CREB5: variants seen among roughly 807,000 people sequenced by gnomAD.
CREB5 encodes cyclic AMP-responsive element-binding protein 5.
Under a neutral mutation model 57.1 loss-of-function variants are expected in CREB5, and 19 were observed. The ratio of observed to expected loss-of-function variants is 0.33; its 90% CI spans 0.23 to 0.49. The LOEUF (loss-of-function observed/expected upper bound fraction) is 0.49. Ranked by LOEUF, CREB5 falls within the 20% of genes least tolerant of loss-of-function variation. The pLI is 0.99. For synonymous variants in CREB5, 238 were observed against 238.3 expected, an observed-to-expected ratio of 1.00 and a Z score of 0.01; for missense variants, 579 against 671.6, an observed-to-expected ratio of 0.86 and a Z score of 1.52.
chr7:28,312,963 G>A (rs1785308847), intron 1 of CREB5, among the ~76,000 whole-genome samples: 1 of 152,160 alleles, frequency 6.6e-6, no homozygotes. Context: ...TGGCCATCCA[G>A]TTCAATCTCC....
In CREB5 at chr7:28,756,889, G is replaced by A. The variant is rs544526410; in HGVS notation, c.702+32557G>A. On this transcript the variant is annotated intron_variant, in intron 7 of 10. Coordinates refer to ENST00000357727, the MANE Select transcript of CREB5 (RefSeq NM_182898.4). ...GATCAACTGGCTATTTTTGCAGGGT[G>A]TTTAAATTGCTGGTTACAATTTGTT... Among the ~76,000 whole-genome samples the A allele has an allele frequency of 1.8e-4, 28 of 152,292 alleles. No individual in the cohort carries two copies. In the South Asian group the frequency reaches 3.3e-3, roughly 18 times the overall value.
chr7:28,704,421 A>G lies in CREB5; in HGVS notation c.465-14332A>G, dbSNP rs148142087. On this transcript the variant is annotated intron_variant, in intron 5 of 10. Coordinates refer to ENST00000357727, the MANE Select transcript of CREB5 (RefSeq NM_182898.4). ...TCTATATGTGTCCACCTTTGAGGAAAATCTACCTTTAACTGACGTGTTGCT... is the reference window on the plus strand; with the variant it reads ...TCTATATGTGTCCACCTTTGAGGAAGATCTACCTTTAACTGACGTGTTGCT... Among the ~76,000 whole-genome samples the G allele has an allele frequency of 7.6e-3, 1,159 of 152,260 alleles. 17 individuals are homozygous for G. The highest frequency in any genetic ancestry group is 0.027 in the African/African-American group (1,111 of 41,536).
intron 4 of CREB5, among the ~76,000 whole-genome samples, chr7:28,528,369 C>T (rs1039686013): frequency 1.3e-5 from 2 of 152,200 alleles, no homozygotes; most frequent in African/African-American, 4.8e-5. Flanking sequence ...TATTTCAATT[C>T]TCAATTATGT....
At chr7:28,528,335 T>C (rs1011265673) in intron 4 of CREB5, among the ~76,000 whole-genome samples, 10 of 152,248 alleles carry the variant, frequency 6.6e-5, no homozygotes, top group African/African-American at 2.4e-4. Flanking sequence ...TGTTTGAAGA[T>C]GCTGTGACAT....
intron 5 of CREB5, among the ~76,000 whole-genome samples, chr7:28,614,774 A>G (rs1797533120): frequency 6.6e-6 from 1 of 152,144 alleles, no homozygotes; most frequent in Non-Finnish European, 1.5e-5. Flanking sequence ...TCCCCATCCC[A>G]TGAACTCCAT....
At chr7:28,464,749 T>G (rs1325484352) in intron 1 of CREB5, among the ~76,000 whole-genome samples, 3 of 152,008 alleles carry the variant, frequency 2.0e-5, no homozygotes, top group Non-Finnish European at 4.4e-5. Context: ...TTGAAAATAC[T>G]ACCATGAGGG....
Position 28,821,427 on chromosome 7 carries a change from A to T in CREB5, c.*2148A>T, listed in dbSNP as rs1195059107. ...TTTTGAGTGTCCAGTGAAACTTATG[A>T]CTTGGATATATGGTTGAAGAATCAA... On this transcript the variant is annotated 3_prime_UTR_variant, in exon 11 of 11. Transcript: ENST00000357727. 1 of 151,582 alleles carries T rather than the reference A, an allele frequency of 6.6e-6. No individual in the cohort carries two copies. The highest frequency in any genetic ancestry group is 1.5e-5 in the Non-Finnish European group (1 of 67,892). The allele number at this position is 151,582 out of a possible 1,614,324, so 9.4% of individuals were successfully genotyped here.
At chr7:28,395,201 A>T (rs1258386054) in intron 1 of CREB5, among the ~76,000 whole-genome samples, 1 of 152,216 alleles carries the variant, frequency 6.6e-6, no homozygotes, top group Admixed American at 6.5e-5. Flanking sequence ...TCATACTCTC[A>T]GATTCCAAAA....
intron 5 of CREB5, among the ~76,000 whole-genome samples, chr7:28,715,138 A>G (rs1476975751): frequency 2.0e-5 from 3 of 152,256 alleles, no homozygotes; most frequent in Non-Finnish European, 4.4e-5. Flanking sequence ...ACTACTTTAT[A>G]GAAAGTCCAG....
At chr7:28,368,545 T>C (rs1786635859) in intron 1 of CREB5, among the ~76,000 whole-genome samples, 1 of 152,174 alleles carries the variant, frequency 6.6e-6, no homozygotes, top group Non-Finnish European at 1.5e-5. Flanking sequence ...CCTCTCCTTG[T>C]TCCTAAACAT....
chr7:28,728,647 CT>C (rs1370458926), intron 7 of CREB5, among the ~76,000 whole-genome samples: 1 of 152,188 alleles, frequency 6.6e-6, no homozygotes, highest in East Asian at 1.9e-4. Flanking sequence ...ACGTGTGTCT[CT>C]CTCGATTGAT....
chr7:28,768,447 C>A (rs1806125899), intron 7 of CREB5, among the ~76,000 whole-genome samples: 1 of 152,164 alleles, frequency 6.6e-6, no homozygotes, highest in Non-Finnish European at 1.5e-5. Flanking sequence ...ACCCCAATAT[C>A]TAATCTGAGA....
At chr7:28,663,310 T>G (rs1799685464) in intron 5 of CREB5, among the ~76,000 whole-genome samples, 3 of 151,916 alleles carry the variant, frequency 2.0e-5, no homozygotes, top group South Asian at 4.2e-4. Context: ...GCTCAAGCGA[T>G]TCTCCCATCT....
intron 5 of CREB5, among the ~76,000 whole-genome samples, chr7:28,694,742 T>C (rs1801452823): frequency 6.6e-6 from 1 of 152,080 alleles, no homozygotes; most frequent in South Asian, 2.1e-4. Context: ...AGACTGGGTA[T>C]CCCTATGTAG....
At chr7:28,470,656 G>T (rs184781518) in intron 1 of CREB5, among the ~76,000 whole-genome samples, 1 of 152,232 alleles carries the variant, frequency 6.6e-6, no homozygotes, top group Admixed American at 6.5e-5. Context: ...CCTCCAAATG[G>T]TTGTCCACAG....
chr7:28,790,184 C>T (rs1486471525), intron 7 of CREB5, among the ~76,000 whole-genome samples: 1 of 152,140 alleles, frequency 6.6e-6, no homozygotes, highest in East Asian at 1.9e-4. Flanking sequence ...CCTCCTTCTT[C>T]CAGGAAGGAT....
chr7:28,501,809 G>A (rs924638522), intron 3 of CREB5, among the ~76,000 whole-genome samples: 2 of 152,190 alleles, frequency 1.3e-5, no homozygotes, highest in African/African-American at 4.8e-5. Context: ...GTGAGTAGGT[G>A]TGGAATATAT....
intron 3 of CREB5, among the ~76,000 whole-genome samples, chr7:28,495,815 C>A (rs1464666159): frequency 6.6e-6 from 1 of 152,074 alleles, no homozygotes; most frequent in Non-Finnish European, 1.5e-5. Context: ...GTGAAGGTGT[C>A]CTTAGGAAAC....
At chr7:28,465,192 G>A (rs1194991718) in intron 1 of CREB5, among the ~76,000 whole-genome samples, 2 of 152,202 alleles carry the variant, frequency 1.3e-5, no homozygotes, top group Non-Finnish European at 2.9e-5. Context: ...GTACTGTAGA[G>A]GTAGAGAGTG....
Sources: allele counts gnomAD v4.1 joint callset (sites outside exome capture counted in the v4.1 genomes callset), GRCh38; gene constraint gnomAD v4.1.1; transcripts MANE v1.5; gene names NCBI Gene and HGNC (gene_info 2026-07-23, HGNC 2026-07-21).